The following PTK2B variants were observed in gnomAD, a reference collection of about 807,000 sequenced individuals.
The protein encoded by PTK2B is protein-tyrosine kinase 2-beta.
A neutral mutation model predicts 142.9 loss-of-function variants in PTK2B; 71 were observed. That is an observed-to-expected ratio of 0.50 (90% confidence interval 0.41 to 0.61). The LOEUF (loss-of-function observed/expected upper bound fraction) is 0.61. Ranked by LOEUF, PTK2B falls within the 20% of genes least tolerant of loss-of-function variation. The pLI, the probability that PTK2B is intolerant of heterozygous loss-of-function variation, is 0.00. For synonymous variants in PTK2B, 519 were observed against 503.4 expected, an observed-to-expected ratio of 1.03 and a Z score of -0.42; for missense variants, 1,105 against 1,320.4, an observed-to-expected ratio of 0.84 and a Z score of 2.53.
intron 1 of PTK2B, among the ~76,000 whole-genome samples, chr8:27,375,242 C>A (rs1176884619): frequency 6.6e-6 from 1 of 152,206 alleles, no homozygotes; most frequent in East Asian, 1.9e-4. Context: ...CAGTCCCTGC[C>A]AGACCAGTGA....
chr8:27,437,141 T>C lies in PTK2B; in HGVS notation c.1361T>C (p.Val454Ala). 1.9e-6 allele frequency: 3 copies of C among 1,613,938 alleles called. No homozygotes were observed. The highest frequency in any genetic ancestry group is 1.1e-5 in the South Asian group (1 of 91,072). The change falls in exon 16 of 31, where the codon GTA becomes GCA. Residue 454 changes from valine to alanine, a missense_variant. By Grantham distance (64) the Val-to-Ala change is moderately conservative. Transcript: ENST00000346049. ...TTACAGAAAGGGGAGAAAATCAATG[T>C]AGCTGTCAAGACCTGCAAGAAAGAC... The part of the protein sequence containing the change: ...YTNHKGEKIN[V>A]AVKTCKKDCT...
At chr8:27,337,135 C>T (rs1288969668) in intron 1 of PTK2B, among the ~76,000 whole-genome samples, 2 of 151,980 alleles carry the variant, frequency 1.3e-5, no homozygotes, top group Non-Finnish European at 2.9e-5. Flanking sequence ...GTGCAACCAT[C>T]ACCGCTTTTT....
At chr8:27,451,565 A>G in intron 27 of PTK2B, 56 bp downstream of exon 27, 1 of 1,612,836 alleles carries the variant, frequency 6.2e-7, no homozygotes, top group African/African-American at 1.3e-5. Context: ...GTGCAGAGCC[A>G]CCATCCTTGC....
chr8:27,343,710 A>G (rs1563204370), intron 1 of PTK2B, among the ~76,000 whole-genome samples: 1 of 152,166 alleles, frequency 6.6e-6, no homozygotes, highest in South Asian at 2.1e-4. Context: ...CTTTAAAAAA[A>G]TTTCTTTCGC....
At position 27,440,333 on chromosome 8, in the gene PTK2B, TG is replaced by T; in HGVS notation, c.1932del (p.Lys646SerfsTer13). On this transcript the variant is annotated frameshift_variant, in exon 21 of 31. Transcript: ENST00000346049. LOFTEE classifies it high-confidence loss of function. ...VIGVLEKGDR[L>X]PKPDLCPPVL... ...GGGGTGCTGGAGAAAGGAGACCGGCTGCCCAAGCCTGATCTCTGTCCACCGG... is the reference window on the plus strand; with the variant it reads ...GGGGTGCTGGAGAAAGGAGACCGGCTCCCAAGCCTGATCTCTGTCCACCGG... 2 of 1,614,212 alleles carry T rather than the reference TG, an allele frequency of 1.2e-6. No individual in the cohort carries two copies. The highest frequency in any genetic ancestry group is 1.7e-6 in the Non-Finnish European group (2 of 1,180,036).
chr8:27,444,415 C>A, intron 23 of PTK2B, 144 bp downstream of exon 23: 1 of 845,182 alleles, frequency 1.2e-6, no homozygotes, highest in Non-Finnish European at 1.9e-6. Context: ...GCACCCAGAA[C>A]AGAATGCAGA....
intron 1 of PTK2B, among the ~76,000 whole-genome samples, chr8:27,355,761 T>TG (rs1420140290): frequency 1.3e-5 from 2 of 152,154 alleles, no homozygotes; most frequent in Non-Finnish European, 2.9e-5. Context: ...TGGTGGCTCA[T>TG]GCCTGTAATC....
In PTK2B at chr8:27,362,379, C is replaced by A. The variant is rs189504263; in HGVS notation, c.-37-35169C>A. Among the ~76,000 whole-genome samples, 18 of 152,314 alleles carry A rather than the reference C, an allele frequency of 1.2e-4. No homozygotes were observed. In the East Asian group the frequency reaches 3.5e-3, roughly 29 times the overall value. On this transcript the variant is annotated intron_variant, in intron 1 of 30. Transcript: ENST00000346049. ...GAGACCCAGAGTTTCAGTGTTAGCA[C>A]CCCCACACTGTGGCTCTTCTAGCCC...
intron 1 of PTK2B, among the ~76,000 whole-genome samples, chr8:27,395,683 CTCCCTCTCTGGGTGGGG>C (rs1808003609): frequency 6.6e-6 from 1 of 152,238 alleles, no homozygotes; most frequent in Non-Finnish European, 1.5e-5. Flanking sequence ...CCCCAGATCC[CTCCCTCTCTGGGTGGGG>C]TCCATTCTTT....
intron 1 of PTK2B, among the ~76,000 whole-genome samples, chr8:27,369,325 G>C (rs1417023590): frequency 6.6e-6 from 1 of 152,098 alleles, no homozygotes; most frequent in African/African-American, 2.4e-5. Context: ...GGGGATCCAG[G>C]GGTTTCTATC....
At chr8:27,412,077 A>G (rs1490495415) in intron 2 of PTK2B, among the ~76,000 whole-genome samples, 2 of 152,232 alleles carry the variant, frequency 1.3e-5, no homozygotes, top group Non-Finnish European at 2.9e-5. Flanking sequence ...CTCCAGACAC[A>G]CCAACAAGAT....
At chr8:27,404,508 G>C (rs1339109238) in intron 2 of PTK2B, among the ~76,000 whole-genome samples, 3 of 152,152 alleles carry the variant, frequency 2.0e-5, no homozygotes, top group Non-Finnish European at 4.4e-5. Flanking sequence ...TCCCCACCCA[G>C]TCTGGATGCA....
rs1427512997 is a variant in PTK2B at position 27,407,317 on chromosome 8, A to G, written c.204+9529A>G. Among the ~76,000 whole-genome samples the G allele has an allele frequency of 1.1e-4, 16 of 152,308 alleles. No homozygotes were observed. The East Asian group carries it at 2.9e-3, about 28-fold the overall frequency. Reference sequence around the variant, plus strand: ...AACCCTTCATGATTCTCTTGCTCCAAACAGGAGGAAGTCATTTTTCTTTGC... The same window carrying G: ...AACCCTTCATGATTCTCTTGCTCCAGACAGGAGGAAGTCATTTTTCTTTGC... On this transcript the variant is annotated intron_variant, in intron 2 of 30. Coordinates refer to ENST00000346049, the MANE Select transcript of PTK2B (RefSeq NM_173176.3).
At chr8:27,408,322 AG>A (rs1808850577) in intron 2 of PTK2B, among the ~76,000 whole-genome samples, 1 of 152,222 alleles carries the variant, frequency 6.6e-6, no homozygotes, top group African/African-American at 2.4e-5. Flanking sequence ...GATTCCAGAG[AG>A]GGCCTGCCCT....
intron 1 of PTK2B, among the ~76,000 whole-genome samples, chr8:27,376,727 C>T (rs906929297): frequency 2.6e-5 from 4 of 152,136 alleles, no homozygotes; most frequent in African/African-American, 9.7e-5. Context: ...TTTACAAATG[C>T]CATAGAAATG....
At chr8:27,450,252 C>T (rs922927291) in intron 24 of PTK2B, among the ~76,000 whole-genome samples, 1 of 152,216 alleles carries the variant, frequency 6.6e-6, no homozygotes, top group Non-Finnish European at 1.5e-5. Flanking sequence ...TCTCTCGAAG[C>T]TTCCAGACCT....
At chr8:27,316,744 G>C (rs573713302) in intron 3 of PTK2B, among the ~76,000 whole-genome samples, 2 of 152,330 alleles carry the variant, frequency 1.3e-5, no homozygotes, top group Non-Finnish European at 2.9e-5. Flanking sequence ...CAGTTGATCT[G>C]AATAATGCAG....
At chr8:27,319,599 G>A (rs1489612326) in intron 3 of PTK2B, among the ~76,000 whole-genome samples, 2 of 131,316 alleles carry the variant, frequency 1.5e-5, no homozygotes, top group Non-Finnish European at 3.1e-5. Context: ...AGCCAAGATT[G>A]CACCACTGCC....
At chr8:27,375,684 C>T (rs954144336) in intron 1 of PTK2B, among the ~76,000 whole-genome samples, 5 of 152,160 alleles carry the variant, frequency 3.3e-5, no homozygotes, top group East Asian at 3.9e-4. Context: ...CTCCGGGGGC[C>T]GTGTTCTTTC....
Sources: gnomAD v4.1 joint callset for allele counts (sites outside exome capture counted in the v4.1 genomes callset) on GRCh38, gnomAD v4.1.1 for gene constraint, MANE v1.5 for transcripts, NCBI Gene and HGNC (gene_info 2026-07-23, HGNC 2026-07-21) for gene names.